The following UBE2L3 variants were observed in gnomAD, a reference collection of about 807,000 sequenced individuals.
UBE2L3 encodes ubiquitin conjugating enzyme E2 L3.
UBE2L3 carries 1 observed loss-of-function variant against 17.8 expected under a neutral mutation model. The ratio of observed to expected loss-of-function variants is 0.06; its 90% CI spans 0.02 to 0.27. The LOEUF is 0.27. Among genes scored for constraint, UBE2L3 ranks in the 10% least tolerant of loss-of-function variants. The pLI is 1.00. For synonymous variants in UBE2L3, 44 were observed against 68.5 expected (o/e 0.64, Z 1.76); for missense variants, 40 against 192.6 (o/e 0.21, Z 4.69).
At chr22:21,589,430 A>C (rs865830880) in intron 1 of UBE2L3, among the ~76,000 whole-genome samples, 6 of 152,186 alleles carry the variant, frequency 3.9e-5, no homozygotes, top group African/African-American at 1.4e-4. Context: ...TACAGGCGTG[A>C]ACCACTGCGC....
intron 3 of UBE2L3, among the ~76,000 whole-genome samples, chr22:21,615,364 G>A (rs1929710897): frequency 1.3e-5 from 2 of 151,724 alleles, no homozygotes; most frequent in Admixed American, 6.6e-5. Context: ...GACCATCCTG[G>A]CTAACATGGT....
chr22:21,604,383 C>T (rs919430062), intron 2 of UBE2L3, among the ~76,000 whole-genome samples: 1 of 152,056 alleles, frequency 6.6e-6, no homozygotes, highest in African/African-American at 2.4e-5. Context: ...CCTGTAATCC[C>T]AGCTACTTGG....
chr22:21,568,277 A>C (rs1229140216), intron 1 of UBE2L3: 1 of 986,112 alleles, frequency 1.0e-6, no homozygotes, highest in Non-Finnish European at 1.2e-6. Flanking sequence ...AGAGAGAAGG[A>C]GGCCAGGCGG....
At chr22:21,582,819 C>T (rs151249308) in intron 1 of UBE2L3, among the ~76,000 whole-genome samples, 228 of 152,258 alleles carry the variant, frequency 1.5e-3, no homozygotes, top group South Asian at 8.3e-3. Context: ...CCACCGTGCC[C>T]GGCCCTCAAT....
At chr22:21,597,964 A>ATTT (rs35036050) in intron 2 of UBE2L3, among the ~76,000 whole-genome samples, 1 of 115,812 alleles carries the variant, frequency 8.6e-6, no homozygotes, top group Non-Finnish European at 1.8e-5. Context: ...TAATTTTTGT[A>ATTT]TTTTTTTTTT....
chr22:21,602,759 G>C (rs1001633897), intron 2 of UBE2L3, among the ~76,000 whole-genome samples: 3 of 152,234 alleles, frequency 2.0e-5, no homozygotes, highest in African/African-American at 7.2e-5. Context: ...GCCTGAAAAG[G>C]TGTCCTGCCA....
chr22:21,568,111 C>T (rs1184973881), intron 1 of UBE2L3: 3 of 1,099,124 alleles, frequency 2.7e-6, no homozygotes, highest in East Asian at 1.1e-4. Flanking sequence ...GGTTGGGAGG[C>T]TCCAAACCGG....
intron 1 of UBE2L3, among the ~76,000 whole-genome samples, chr22:21,588,517 G>A (rs1475575445): frequency 7.3e-6 from 1 of 137,116 alleles, no homozygotes; most frequent in African/African-American, 2.8e-5. Flanking sequence ...TGCCCTGGCT[G>A]GAGTGCAGTG....
In UBE2L3 at chr22:21,567,720, G is replaced by T; in HGVS notation, c.-25G>T. On this transcript the variant is annotated 5_prime_UTR_variant, in exon 1 of 4. Coordinates refer to ENST00000342192, the MANE Select transcript of UBE2L3 (RefSeq NM_003347.4). ...GCCCGGCCGGCCGCGATGCATTCTG[G>T]GGAAGGAGCAGCACCAAATCCAAGA... The T allele has an allele frequency of 6.3e-7, 1 of 1,577,126 alleles. No individual in the cohort carries two copies. Among genetic ancestry groups the T allele is most frequent in the Non-Finnish European group, 8.6e-7 (1 of 1,162,816 alleles).
intron 1 of UBE2L3, among the ~76,000 whole-genome samples, chr22:21,573,514 G>A (rs1323464443): frequency 1.3e-5 from 2 of 152,152 alleles, no homozygotes; most frequent in Non-Finnish European, 2.9e-5. Flanking sequence ...TCCTGGGCTG[G>A]CCACTGTGTG....
intron 2 of UBE2L3, among the ~76,000 whole-genome samples, chr22:21,607,119 G>A (rs1022577808): frequency 9.9e-5 from 15 of 152,152 alleles, no homozygotes; most frequent in Admixed American, 6.5e-5. Context: ...ACTGGCGCAC[G>A]CCAGCCTTGC....
rs150392073 is a variant in UBE2L3, at chr22:21,597,578, G to A, written c.123+4622G>A. ...TCTGAAAGCTCTGGGATTTACAGATGTGAGCCATCACACCTGGCCTTAAAT... is the reference window on the plus strand; with the variant it reads ...TCTGAAAGCTCTGGGATTTACAGATATGAGCCATCACACCTGGCCTTAAAT... On this transcript the variant is annotated intron_variant, in intron 2 of 3. Coordinates refer to ENST00000342192, the MANE Select transcript of UBE2L3 (RefSeq NM_003347.4). 3.6e-3 allele frequency among the ~76,000 whole-genome samples: 541 copies of A among 151,714 alleles called. 9 individuals are homozygous for A. The highest frequency in any genetic ancestry group is 3.2e-3 in the Non-Finnish European group (216 of 67,930).
intron 1 of UBE2L3, among the ~76,000 whole-genome samples, chr22:21,560,446 ATTTT>A (rs59968738): frequency 0.017 from 2,182 of 126,208 alleles, 24 homozygotes; most frequent in South Asian, 0.089. Flanking sequence ...CTTTAGATCT[ATTTT>A]TTTTTTTTTT....
chr22:21,562,670 C>CTTTTTTTTTT (rs131653), intron 1 of UBE2L3, among the ~76,000 whole-genome samples: 13 of 105,244 alleles, frequency 1.2e-4, no homozygotes, highest in Non-Finnish European at 1.7e-4. Flanking sequence ...CACGCCTGGG[C>CTTTTTTTTTT]TTTTTTTTTT....
At chr22:21,577,464 T>A (rs1179165825) in intron 1 of UBE2L3, among the ~76,000 whole-genome samples, 1 of 152,230 alleles carries the variant, frequency 6.6e-6, no homozygotes, top group African/African-American at 2.4e-5. Context: ...GGTGGCTGTG[T>A]AGTTTCTCCT....
intron 3 of UBE2L3, among the ~76,000 whole-genome samples, chr22:21,616,594 G>A (rs1929786931): frequency 6.6e-6 from 1 of 151,464 alleles, no homozygotes; most frequent in Admixed American, 6.6e-5. Context: ...GGAGGTTGCA[G>A]TGAGCTGAGA....
intron 1 of UBE2L3, among the ~76,000 whole-genome samples, chr22:21,558,273 C>T (rs2148389928): frequency 6.6e-6 from 1 of 152,228 alleles, no homozygotes; most frequent in South Asian, 2.1e-4. Flanking sequence ...TTAAGCTTCC[C>T]ATCCCCCATT....
intron 1 of UBE2L3, 109 bp downstream of exon 1, chr22:21,567,880 A>T: frequency 6.5e-7 from 1 of 1,541,472 alleles, no homozygotes; most frequent in South Asian, 1.2e-5. Context: ...TTCCTGCCCT[A>T]CACGGCCTCG....
rs1926316959 is a variant in UBE2L3, at chr22:21,558,475, A to G, written c.201+8825A>G. Among the ~76,000 whole-genome samples the G allele has an allele frequency of 2.6e-5, 4 of 152,316 alleles. No homozygotes were observed. In the South Asian group the frequency reaches 8.3e-4, roughly 32 times the overall value. ...GTGAAACCCCGTCTCTACTAAAAAT[A>G]CAAAAAATAGCCAGGTGTGGTGGCG... On this transcript the variant is annotated intron_variant, in intron 1 of 3. Transcript: ENST00000458578.
Sources: allele counts gnomAD v4.1 joint callset (sites outside exome capture counted in the v4.1 genomes callset), GRCh38; gene constraint gnomAD v4.1.1; transcripts MANE v1.5; gene names NCBI Gene and HGNC (gene_info 2026-07-23, HGNC 2026-07-21).